Variants in RIMS1 observed in about 807,000 individuals in gnomAD.
RIMS1 encodes regulating synaptic membrane exocytosis 1, also known as regulating synaptic membrane exocytosis protein 1.
RIMS1 carries 83 observed loss-of-function variants against 214.1 expected under a neutral mutation model. That is an observed-to-expected ratio of 0.39 (90% CI 0.32 to 0.47). The LOEUF (loss-of-function observed/expected upper bound fraction) is 0.47. Among genes scored for constraint, RIMS1 ranks in the 20% least tolerant of loss-of-function variants. The pLI, the probability that RIMS1 is intolerant of heterozygous loss-of-function variation, is 0.99. For missense variants in RIMS1, 2,050 were observed against 2,161.8 expected (o/e 0.95, Z 1.03); for synonymous variants, 793 against 786.8 (o/e 1.01, Z -0.13).
intron 29 of RIMS1, among the ~76,000 whole-genome samples, chr6:72,339,178 T>G (rs1384985803): frequency 6.6e-6 from 1 of 151,752 alleles, no homozygotes; most frequent in African/African-American, 2.4e-5. Context: ...CTTGAAGAGG[T>G]AAAGCCTGAG....
At chr6:72,119,066 T>TA (rs1025231804) in intron 4 of RIMS1, among the ~76,000 whole-genome samples, 17 of 151,714 alleles carry the variant, frequency 1.1e-4, no homozygotes, top group African/African-American at 4.1e-4. Context: ...ATTGTATACC[T>TA]AAAAAACCTT....
At chr6:71,935,338 T>G (rs80161078) in intron 1 of RIMS1, among the ~76,000 whole-genome samples, 2,896 of 152,308 alleles carry the variant, frequency 0.019, 85 homozygotes, top group African/African-American at 0.065. Context: ...AGATAATTTA[T>G]GTATCAATTA....
chr6:71,989,802 G>T (rs1317892237), intron 2 of RIMS1, among the ~76,000 whole-genome samples: 1 of 152,150 alleles, frequency 6.6e-6, no homozygotes, highest in Non-Finnish European at 1.5e-5. Flanking sequence ...CTATTCCACT[G>T]TCAAACTCGA....
chr6:72,262,689 A>T, intron 19 of RIMS1: 1 of 833,854 alleles, frequency 1.2e-6, no homozygotes, highest in Non-Finnish European at 1.4e-6. Context: ...AAATGTGTAC[A>T]TATAAATAAC....
intron 1 of RIMS1, among the ~76,000 whole-genome samples, chr6:71,935,689 A>G (rs1445343146): frequency 6.6e-6 from 1 of 152,160 alleles, no homozygotes; most frequent in Non-Finnish European, 1.5e-5. Flanking sequence ...TATGCTCTTA[A>G]AAATATGTAC....
intron 20 of RIMS1, 27 bp from the exon 21 acceptor site, chr6:72,265,363 A>C (rs766067363): frequency 1.1e-5 from 13 of 1,208,472 alleles, no homozygotes; most frequent in Non-Finnish European, 1.3e-5. Flanking sequence ...ATTTTATTTT[A>C]TTTTTGTGTA....
At chr6:72,095,283 T>G (rs2031153934) in intron 2 of RIMS1, among the ~76,000 whole-genome samples, 1 of 151,974 alleles carries the variant, frequency 6.6e-6, no homozygotes, top group African/African-American at 2.4e-5. Context: ...ATAATTTTCT[T>G]TAGTGGAAGA....
At chr6:72,075,253 AAAAACAAAAC>A (rs965907581) in intron 2 of RIMS1, among the ~76,000 whole-genome samples, 1 of 152,058 alleles carries the variant, frequency 6.6e-6, no homozygotes, top group Admixed American at 6.6e-5. Flanking sequence ...AGCTAATTAA[AAAAACAAAAC>A]AAAACAAAAC....
intron 2 of RIMS1, among the ~76,000 whole-genome samples, chr6:72,018,124 A>G (rs1392483308): frequency 6.6e-6 from 1 of 152,206 alleles, no homozygotes; most frequent in Non-Finnish European, 1.5e-5. Context: ...AGTGCAGGCT[A>G]GAAACAAGGA....
intron 26 of RIMS1, among the ~76,000 whole-genome samples, chr6:72,302,566 A>C (rs1266139336): frequency 1.3e-5 from 2 of 151,626 alleles, no homozygotes; most frequent in African/African-American, 4.8e-5. Flanking sequence ...TGTCTACCTG[A>C]CAACTTCCAA....
chr6:72,050,074 C>T (rs1444302085), intron 2 of RIMS1, among the ~76,000 whole-genome samples: 1 of 152,076 alleles, frequency 6.6e-6, no homozygotes, highest in Non-Finnish European at 1.5e-5. Context: ...AAAGAGTTTG[C>T]ACCTGACCCC....
At position 72,277,536 on chromosome 6, in the gene RIMS1, C is replaced by T. The variant is rs577531095; in HGVS notation, c.3482+3104C>T. Among the ~76,000 whole-genome samples the T allele has an allele frequency of 4.6e-5, 7 of 151,036 alleles. 1 individual carries two copies. Among genetic ancestry groups the T allele is most frequent in the Admixed American group, 2.6e-4 (4 of 15,174 alleles). ...GGCGGAGCTTGCAGTGAGCCGACAT[C>T]GCGCCACTGCACTCCAGCCTAGGCG... On this transcript the variant is annotated intron_variant, in intron 23 of 33. Coordinates refer to ENST00000521978, the MANE Select transcript of RIMS1 (RefSeq NM_014989.7).
intron 4 of RIMS1, among the ~76,000 whole-genome samples, chr6:72,124,482 T>G (rs1050530614): frequency 1.3e-5 from 2 of 151,848 alleles, no homozygotes; most frequent in African/African-American, 4.8e-5. Flanking sequence ...AAAGAGTATC[T>G]TTGTGGTGTT....
chr6:72,307,565 C>T (rs1470089552), intron 27 of RIMS1, among the ~76,000 whole-genome samples, 195 bp downstream of exon 27: 1 of 152,004 alleles, frequency 6.6e-6, no homozygotes, highest in Non-Finnish European at 1.5e-5. Flanking sequence ...TCAAGACCAG[C>T]CAACATGGTT....
chr6:72,346,528 A>G (rs1399305727), intron 29 of RIMS1, among the ~76,000 whole-genome samples: 3 of 151,826 alleles, frequency 2.0e-5, no homozygotes, highest in South Asian at 2.1e-4. Flanking sequence ...TCCCAGAAGT[A>G]TGTTCATCCC....
chr6:72,401,591 T>G lies in RIMS1; in HGVS notation c.*877T>G, dbSNP rs2098835676. ...ACTAATGCTGGGGACTAAAACTAAC[T>G]GCATAATTGTACTTTGAAAACACTC... On this transcript the variant is annotated 3_prime_UTR_variant, in exon 34 of 34. Coordinates refer to ENST00000521978, the MANE Select transcript of RIMS1 (RefSeq NM_014989.7). 6.5e-6 allele frequency: 1 copy of G among 152,750 alleles called. No individual in the cohort carries two copies. Among genetic ancestry groups the G allele is most frequent in the Non-Finnish European group, 1.5e-5 (1 of 68,024 alleles). The allele number at this position is 152,750 out of a possible 1,614,324, so 9.5% of individuals were successfully genotyped here.
intron 1 of RIMS1, among the ~76,000 whole-genome samples, chr6:71,899,276 T>A (rs1772832462): frequency 6.6e-6 from 1 of 151,974 alleles, no homozygotes; most frequent in Non-Finnish European, 1.5e-5. Flanking sequence ...GCTTTTGAAT[T>A]ATGTATATAT....
At chr6:72,005,610 G>A (rs1045840330) in intron 2 of RIMS1, among the ~76,000 whole-genome samples, 77 of 152,106 alleles carry the variant, frequency 5.1e-4, no homozygotes, top group Non-Finnish European at 7.6e-4. Flanking sequence ...ACCATAATCA[G>A]GTACCAGGAA....
chr6:71,932,230 G>T (rs1344949866), intron 1 of RIMS1, among the ~76,000 whole-genome samples: 1 of 152,034 alleles, frequency 6.6e-6, no homozygotes, highest in Non-Finnish European at 1.5e-5. Context: ...CAACTTAAAT[G>T]CCCATCAGTG....
Sources: gnomAD v4.1 joint callset for allele counts (sites outside exome capture counted in the v4.1 genomes callset) on GRCh38, gnomAD v4.1.1 for gene constraint, MANE v1.5 for transcripts, NCBI Gene and HGNC (gene_info 2026-07-23, HGNC 2026-07-21) for gene names.